Variants in CACNA1C observed in about 807,000 individuals in gnomAD.
CACNA1C encodes the protein calcium voltage-gated channel subunit alpha1 C.
In CACNA1C, 30 loss-of-function variants were observed where a neutral mutation model predicts 229.0. The observed-to-expected ratio is 0.13, with a 90% confidence interval of 0.10 to 0.18. The LOEUF is 0.18. CACNA1C is among the 10% of genes least tolerant of loss of function. CACNA1C has a pLI of 1.00. For synonymous variants in CACNA1C, 1,114 were observed against 1,132.5 expected, an observed-to-expected ratio of 0.98 and a Z score of 0.33; for missense variants, 1,658 against 2,845.0, an observed-to-expected ratio of 0.58 and a Z score of 9.49.
intron 3 of CACNA1C, among the ~76,000 whole-genome samples, chr12:2,374,495 A>G (rs558430884): frequency 5.9e-5 from 9 of 152,356 alleles, no homozygotes; most frequent in African/African-American, 2.2e-4. Flanking sequence ...TCAATAGCAT[A>G]TCACAGCCCA....
chr12:2,059,956 AT>A (rs1417203613), intron 1 of CACNA1C, among the ~76,000 whole-genome samples: 1 of 152,152 alleles, frequency 6.6e-6, no homozygotes, highest in Non-Finnish European at 1.5e-5. Flanking sequence ...CTGCCTTAAA[AT>A]AATTTCTGCG....
intron 4 of CACNA1C, among the ~76,000 whole-genome samples, chr12:2,456,559 G>A (rs886223799): frequency 2.0e-5 from 3 of 152,040 alleles, no homozygotes; most frequent in Non-Finnish European, 4.4e-5. Flanking sequence ...TTCCTCTAAC[G>A]CACACCCTGC....
intron 18 of CACNA1C, among the ~76,000 whole-genome samples, chr12:2,588,396 C>T (rs1444427398): frequency 6.6e-6 from 1 of 152,196 alleles, no homozygotes; most frequent in East Asian, 1.9e-4. Flanking sequence ...GAGCACACTG[C>T]CATGCTCTCC....
chr12:2,500,929 G>T (rs369436838), intron 7 of CACNA1C, among the ~76,000 whole-genome samples: 10 of 152,076 alleles, frequency 6.6e-5, no homozygotes, highest in African/African-American at 2.4e-4. Flanking sequence ...AAAGCAGGCC[G>T]GGGGCAGTGG....
At chr12:2,457,728 G>A (rs932220365) in intron 5 of CACNA1C, 22 bp downstream of exon 5, 1 of 1,555,872 alleles carries the variant, frequency 6.4e-7, no homozygotes, top group Non-Finnish European at 8.7e-7. Context: ...CCGTTCTTGT[G>A]TACAGTGTTA....
At chr12:2,230,000 G>A (rs1414146171) in intron 3 of CACNA1C, among the ~76,000 whole-genome samples, 1 of 152,206 alleles carries the variant, frequency 6.6e-6, no homozygotes, top group Admixed American at 6.5e-5. Flanking sequence ...CTGTGTGCGC[G>A]CCCGCCTGGC....
At chr12:2,541,088 A>G (rs1210898687) in intron 9 of CACNA1C, among the ~76,000 whole-genome samples, 1 of 152,100 alleles carries the variant, frequency 6.6e-6, no homozygotes, top group African/African-American at 2.4e-5. Context: ...TGTTCTGCTT[A>G]TAAGGATCCG....
At chr12:2,297,228 G>C (rs2108571) in intron 3 of CACNA1C, among the ~76,000 whole-genome samples, 1 of 152,204 alleles carries the variant, frequency 6.6e-6, no homozygotes, top group Non-Finnish European at 1.5e-5. Flanking sequence ...CACAGAACAC[G>C]TGGGAGCCGT....
chr12:2,680,647 A>G, intron 42 of CACNA1C: 1 of 1,348,066 alleles, frequency 7.4e-7, no homozygotes, highest in Non-Finnish European at 1.0e-6. Context: ...ACCCCTGGAA[A>G]AGTGTCCATC....
At chr12:2,184,064 C>G (rs1056112040) in intron 3 of CACNA1C, among the ~76,000 whole-genome samples, 1 of 152,146 alleles carries the variant, frequency 6.6e-6, no homozygotes, top group Non-Finnish European at 1.5e-5. Flanking sequence ...CAGGAATCTC[C>G]TCTCTTTTCT....
rs570966643 is a variant in CACNA1C at position 2,544,410 on chromosome 12, G to T, written c.1391-5533G>T. On this transcript the variant is annotated intron_variant, in intron 9 of 46. Coordinates refer to ENST00000399655, the MANE Select transcript of CACNA1C (RefSeq NM_000719.7). ...CCTCATGCCTTTCCTGGAAGTGATG[G>T]TGCAGCCCACAAGTTCAGCAGGGCA... is the stretch of plus-strand genomic sequence containing the variant. 7.2e-5 allele frequency among the ~76,000 whole-genome samples: 11 copies of T among 152,318 alleles called. No homozygotes were observed. In the East Asian group the frequency reaches 2.1e-3, roughly 29 times the overall value.
At chr12:2,577,589 T>A (rs1038092104) in intron 13 of CACNA1C, among the ~76,000 whole-genome samples, 19 of 152,356 alleles carry the variant, frequency 1.2e-4, no homozygotes, top group African/African-American at 4.6e-4. Flanking sequence ...TCTCACTGTT[T>A]GGCAAAGTGT....
At position 2,058,394 on chromosome 12, in the gene CACNA1C, TTTGC is replaced by T. The variant is rs374623930; in HGVS notation, c.49+4784_49+4787del. Among the ~76,000 whole-genome samples, 858 of 152,300 alleles carry T rather than the reference TTTGC, an allele frequency of 5.6e-3. 11 individuals are homozygous for T. Among genetic ancestry groups the T allele is most frequent in the African/African-American group, 0.019 (789 of 41,560 alleles). ...TGGACTACAGAAAGCTGATAGACTG[TTTGC>T]GAAACACCTGGAGACTTAACAACAA... On this transcript the variant is annotated intron_variant, in intron 1 of 46. Transcript: ENST00000399655.
chr12:2,250,142 G>A (rs1183108540), intron 3 of CACNA1C, among the ~76,000 whole-genome samples: 1 of 152,176 alleles, frequency 6.6e-6, no homozygotes, highest in Non-Finnish European at 1.5e-5. Context: ...TCAAGGACAA[G>A]GATGCATCAG....
chr12:2,121,649 C>A (rs116832173), intron 3 of CACNA1C, among the ~76,000 whole-genome samples: 3 of 152,172 alleles, frequency 2.0e-5, no homozygotes, highest in Non-Finnish European at 4.4e-5. Flanking sequence ...CATCGGCCGC[C>A]GTCCGTGAGG....
chr12:2,164,091 G>GA, intron 3 of CACNA1C, among the ~76,000 whole-genome samples: 1 of 152,302 alleles, frequency 6.6e-6, no homozygotes, highest in East Asian at 1.9e-4. Flanking sequence ...CTTGCTGCAA[G>GA]ACCCTGCTCC....
intron 10 of CACNA1C, chr12:2,550,646 G>A: frequency 7.4e-7 from 1 of 1,350,168 alleles, no homozygotes. Flanking sequence ...CAGAGGCTCT[G>A]AGTCAGACCA....
At chr12:2,558,459 A>C (rs1263234237) in intron 11 of CACNA1C, among the ~76,000 whole-genome samples, 2 of 152,158 alleles carry the variant, frequency 1.3e-5, no homozygotes, top group African/African-American at 4.8e-5. Flanking sequence ...CACTGACTTT[A>C]GCACCTCTAT....
At position 2,596,020 on chromosome 12, in the gene CACNA1C, T is replaced by G. The variant is rs1285214195; in HGVS notation, c.2793+17T>G. 1.2e-6 allele frequency: 2 copies of G among 1,603,034 alleles called. No homozygotes were observed. Among genetic ancestry groups the G allele is most frequent in the East Asian group, 2.2e-5 (1 of 44,530 alleles). ...AGGAACCATGTATGCATCGCCTGTG[T>G]CTTCTGCACTCCTTCCCCCTGGGGC... On this transcript the variant is annotated intron_variant, in intron 20 of 46. Coordinates refer to ENST00000399655, the MANE Select transcript of CACNA1C (RefSeq NM_000719.7).
Sources: allele counts gnomAD v4.1 joint callset (sites outside exome capture counted in the v4.1 genomes callset), GRCh38; gene constraint gnomAD v4.1.1; transcripts MANE v1.5; gene names NCBI Gene and HGNC (gene_info 2026-07-23, HGNC 2026-07-21).